The following MYO5A variants were observed in gnomAD, a reference collection of about 807,000 sequenced individuals.
The protein encoded by MYO5A is unconventional myosin-Va.
A neutral mutation model predicts 249.7 loss-of-function variants in MYO5A; 98 were observed. The observed-to-expected ratio is 0.39, with a 90% CI of 0.33 to 0.46. The LOEUF (loss-of-function observed/expected upper bound fraction) is 0.46. MYO5A is among the 20% of genes least tolerant of loss of function. The probability of loss-of-function intolerance (pLI) is 0.98; values close to 1 mark genes in which losing one functional copy is unlikely to be tolerated. For synonymous variants in MYO5A, 778 were observed against 810.6 expected, an observed-to-expected ratio of 0.96 and a Z score of 0.68; for missense variants, 1,696 against 2,308.8, an observed-to-expected ratio of 0.73 and a Z score of 5.44.
intron 1 of MYO5A, among the ~76,000 whole-genome samples, chr15:52,454,598 C>G (rs372874456): frequency 9.2e-5 from 14 of 152,202 alleles, no homozygotes; most frequent in East Asian, 3.9e-4. Flanking sequence ...TAGAACATAA[C>G]TTGGGCCACA....
chr15:52,367,120 AC>A lies in MYO5A; in HGVS notation c.3070del (p.Val1024TyrfsTer4). The A allele has an allele frequency of 6.2e-7, 1 of 1,612,856 alleles. No homozygotes were observed. Among genetic ancestry groups the A allele is most frequent in the Non-Finnish European group, 8.5e-7 (1 of 1,179,138 alleles). On this transcript the variant is annotated frameshift_variant, in exon 23 of 42. Coordinates refer to ENST00000399233, the MANE Select transcript of MYO5A (RefSeq NM_001382347.1). LOFTEE classifies it high-confidence loss of function. The stretch of plus-strand genomic sequence containing the variant: ...AGTATTTTCTTCCTTCAGATTTGAT[AC>A]CAGCTACGAAATGAAACAATAAACT... ...DRYKQETEQL[V>X]SNLKEENTLL...
intron 25 of MYO5A, among the ~76,000 whole-genome samples, chr15:52,357,229 G>A (rs972863754): frequency 6.6e-6 from 1 of 151,858 alleles, no homozygotes; most frequent in Non-Finnish European, 1.5e-5. Flanking sequence ...ATATTTTAAT[G>A]TTTGTTCATT....
chr15:52,375,189 T>C (rs866782345), intron 20 of MYO5A, 115 bp downstream of exon 20: 51 of 1,027,704 alleles, frequency 5.0e-5, no homozygotes, highest in South Asian at 4.7e-4. Flanking sequence ...TTTCAATAGC[T>C]GGTTGTCCCC....
intron 12 of MYO5A, among the ~76,000 whole-genome samples, chr15:52,389,940 G>A (rs1248576156): frequency 6.6e-6 from 1 of 152,058 alleles, no homozygotes; most frequent in Non-Finnish European, 1.5e-5. Context: ...GGTGACAAAA[G>A]TGAAATTCCG....
rs756361137 is a variant in MYO5A, at chr15:52,376,351, G to A, written c.2416C>T (p.Arg806Ter). Reference protein sequence around the residue: ...MQRYVRGYQARCYAKFLRRTK... With the variant: ...MQRYVRGYQA Reference sequence around the variant, plus strand: ...CTCTGTCCCCAGGAGACCTACCATCGGGCCTGGTAGCCCCGCACGTATCTC... The same window carrying A: ...CTCTGTCCCCAGGAGACCTACCATCAGGCCTGGTAGCCCCGCACGTATCTC... Residue 806 changes from arginine to a stop codon, truncating the protein, a stop_gained, in exon 19 of 42, where the codon CGA (arginine) becomes TGA (stop). Transcript: ENST00000399233. LOFTEE classifies it high-confidence loss of function. 6.2e-7 allele frequency: 1 copy of A among 1,613,852 alleles called. No homozygotes were observed. The highest frequency in any genetic ancestry group is 8.5e-7 in the Non-Finnish European group (1 of 1,179,990).
rs551435506 is a variant in MYO5A, at chr15:52,520,238, G to A, written c.27+8542C>T. Among the ~76,000 whole-genome samples the A allele has an allele frequency of 5.9e-5, 9 of 152,220 alleles. No individual in the cohort carries two copies. The East Asian group carries it at 1.2e-3, about 20-fold the overall frequency. On this transcript the variant is annotated intron_variant, in intron 1 of 41. Coordinates refer to ENST00000399233, the MANE Select transcript of MYO5A (RefSeq NM_001382347.1). The stretch of plus-strand genomic sequence containing the variant: ...ACCTAGCACTTTTCCTTCCAATGGC[G>A]AACAGCTCACAGCCATCCCATGAGG...
chr15:52,360,210 C>A (rs2040447575), intron 24 of MYO5A, 129 bp from the exon 25 acceptor site: 4 of 713,316 alleles, frequency 5.6e-6, no homozygotes, highest in Non-Finnish European at 1.0e-5. Context: ...GTGATTTGTT[C>A]CATATTGTTT....
chr15:52,527,541 T>C (rs538060633), intron 1 of MYO5A, among the ~76,000 whole-genome samples: 19 of 152,340 alleles, frequency 1.2e-4, no homozygotes, highest in African/African-American at 4.1e-4. Context: ...TGCAGAGAAA[T>C]TCATAGGTTA....
At chr15:52,417,519 G>A (rs751990902) in intron 4 of MYO5A, among the ~76,000 whole-genome samples, 15 of 152,184 alleles carry the variant, frequency 9.9e-5, no homozygotes, top group Non-Finnish European at 2.1e-4. Context: ...GTCATGATCT[G>A]TATCCTCATG....
chr15:52,396,425 G>T, intron 10 of MYO5A, 28 bp from the exon 11 acceptor site: 2 of 1,318,750 alleles, frequency 1.5e-6, no homozygotes, highest in African/African-American at 1.4e-5. Context: ...ATATGAAAAG[G>T]GGAGAAAAGG....
At chr15:52,480,999 T>G (rs1451582899) in intron 1 of MYO5A, among the ~76,000 whole-genome samples, 2 of 152,200 alleles carry the variant, frequency 1.3e-5, no homozygotes, top group African/African-American at 4.8e-5. Context: ...CCATCTAAGA[T>G]ACCAGATTCT....
intron 1 of MYO5A, among the ~76,000 whole-genome samples, chr15:52,459,715 AG>A (rs2076199787): frequency 6.6e-6 from 1 of 152,102 alleles, no homozygotes; most frequent in African/African-American, 2.4e-5. Flanking sequence ...TGCCGGGCAG[AG>A]GGGCTCCTCA....
At chr15:52,351,567 A>G (rs2039955275) in intron 27 of MYO5A, 86 bp from the exon 28 acceptor site, 2 of 1,332,340 alleles carry the variant, frequency 1.5e-6, no homozygotes, top group Non-Finnish European at 2.1e-6. Flanking sequence ...TGGTAGAAGA[A>G]TTCTGCTGAA....
chr15:52,519,825 G>T (rs1293356185), intron 1 of MYO5A, among the ~76,000 whole-genome samples: 1 of 151,866 alleles, frequency 6.6e-6, no homozygotes. Context: ...CTGCTTCCCG[G>T]GTTCAAGCGA....
At position 52,340,003 on chromosome 15, in the gene MYO5A, G is replaced by C. The variant is rs138026736; in HGVS notation, c.4239+193C>G. Among the ~76,000 whole-genome samples the C allele has an allele frequency of 4.5e-4, 68 of 152,318 alleles. 1 individual carries two copies. The East Asian group carries it at 7.1e-3, about 16-fold the overall frequency. The stretch of plus-strand genomic sequence containing the variant: ...AGAGCACGCAGCCCTCCGTGATAAA[G>C]AGAACCTGTGCCTTCTTCCTTCCTA... On this transcript the variant is annotated intron_variant, in intron 32 of 41. Transcript: ENST00000399233.
chr15:52,516,004 C>G (rs2077488346), intron 1 of MYO5A, among the ~76,000 whole-genome samples: 1 of 152,138 alleles, frequency 6.6e-6, no homozygotes, highest in Admixed American at 6.6e-5. Context: ...ATACCGGTCA[C>G]TATTCTAAGC....
chr15:52,370,309 CTT>C lies in MYO5A; in HGVS notation c.2924_2925del (p.Glu975GlyfsTer12). 1 of 1,614,150 alleles carries C rather than the reference CTT, an allele frequency of 6.2e-7. No homozygotes were observed. Among genetic ancestry groups the C allele is most frequent in the Non-Finnish European group, 8.5e-7 (1 of 1,180,012 alleles). On this transcript the variant is annotated frameshift_variant, in exon 22 of 42. Coordinates refer to ENST00000399233, the MANE Select transcript of MYO5A (RefSeq NM_001382347.1). LOFTEE classifies it high-confidence loss of function. Reference sequence around the variant, plus strand: ...CGCCCAGTGGCAACTTTCGCTTCCTCTTCACTTAGTTGAAGACGTTCTAAGTC... The same window carrying C: ...CGCCCAGTGGCAACTTTCGCTTCCTCCACTTAGTTGAAGACGTTCTAAGTC... ...RSDLERLQLS[E>X]EEAKVATGRV...
At position 52,364,715 on chromosome 15, in the gene MYO5A, A is replaced by C; in HGVS notation, c.3161-13T>G. On this transcript the variant is annotated splice_polypyrimidine_tract_variant and intron_variant, in intron 23 of 41. Coordinates refer to ENST00000399233, the MANE Select transcript of MYO5A (RefSeq NM_001382347.1). Reference sequence around the variant, plus strand: ...TTCTCCATAGTTTCTGAAATTAAAAAAAGGATATGCATACTAAAGATGGCC... The same window carrying C: ...TTCTCCATAGTTTCTGAAATTAAAACAAGGATATGCATACTAAAGATGGCC... 1.2e-6 allele frequency: 2 copies of C among 1,613,208 alleles called. No homozygotes were observed. The highest frequency in any genetic ancestry group is 1.7e-6 in the Non-Finnish European group (2 of 1,179,676).
intron 28 of MYO5A, 60 bp from the exon 29 acceptor site, chr15:52,348,886 T>C: frequency 6.4e-7 from 1 of 1,562,008 alleles, no homozygotes. Context: ...CTTAGTTCCA[T>C]AAATAAATTT....
Sources: allele counts gnomAD v4.1 joint callset (sites outside exome capture counted in the v4.1 genomes callset), GRCh38; gene constraint gnomAD v4.1.1; transcripts MANE v1.5; gene names NCBI Gene and HGNC (gene_info 2026-07-23, HGNC 2026-07-21).